The following GPC5 variants were observed in gnomAD, a reference collection of about 807,000 sequenced individuals.
GPC5 encodes the protein glypican 5, also known as glypican-5.
A neutral mutation model predicts 53.9 loss-of-function variants in GPC5; 47 were observed. That is an observed-to-expected ratio of 0.87 (90% CI 0.69 to 1.11). The LOEUF is 1.11. Among genes scored for constraint, GPC5 ranks in the 50% most tolerant of loss-of-function variants. The probability of loss-of-function intolerance (pLI) is 0.00; values close to 1 mark genes in which losing one functional copy is unlikely to be tolerated. For synonymous variants in GPC5, 286 were observed against 263.3 expected (o/e 1.09, Z -0.84); for missense variants, 748 against 713.1 (o/e 1.05, Z -0.56).
intron 2 of GPC5, among the ~76,000 whole-genome samples, chr13:91,602,161 A>G (rs1161323216): frequency 2.0e-5 from 3 of 152,232 alleles, no homozygotes; most frequent in Non-Finnish European, 4.4e-5. Flanking sequence ...CATTCTTGAA[A>G]TCTTTGTGTG....
intron 2 of GPC5, among the ~76,000 whole-genome samples, chr13:91,608,430 CGTGT>C (rs1566548942): frequency 6.6e-6 from 1 of 152,140 alleles, no homozygotes; most frequent in Non-Finnish European, 1.5e-5. Context: ...ATGCTTGTAC[CGTGT>C]CCCTATTTCA....
intron 6 of GPC5, among the ~76,000 whole-genome samples, chr13:92,043,854 T>C (rs1028224264): frequency 6.6e-6 from 1 of 152,222 alleles, no homozygotes; most frequent in Non-Finnish European, 1.5e-5. Context: ...TGAATGATCC[T>C]AGATGTGAGT....
chr13:92,015,639 AG>A (rs1228052013), intron 6 of GPC5, among the ~76,000 whole-genome samples: 1 of 152,132 alleles, frequency 6.6e-6, no homozygotes, highest in Non-Finnish European at 1.5e-5. Context: ...ATTCAAACTA[AG>A]AGCTTATATT....
chr13:91,760,583 G>C (rs1409615916), intron 5 of GPC5, among the ~76,000 whole-genome samples: 2 of 152,128 alleles, frequency 1.3e-5, no homozygotes, highest in African/African-American at 4.8e-5. Flanking sequence ...TGGTGGCCAA[G>C]ATTAAGTCTA....
chr13:92,620,924 C>T lies in GPC5; in HGVS notation c.1562-245358C>T, dbSNP rs189995696. Among the ~76,000 whole-genome samples, 473 of 152,286 alleles carry T rather than the reference C, an allele frequency of 3.1e-3. 2 individuals are homozygous for T. Among genetic ancestry groups the T allele is most frequent in the Non-Finnish European group, 4.4e-3 (296 of 68,022 alleles). On this transcript the variant is annotated intron_variant, in intron 7 of 7. Transcript: ENST00000377067. ...ATAGTATAGCTGTCTTTGTTGTGCT[C>T]AGGCATGAATTTATAGTGTTATTTT...
intron 7 of GPC5, among the ~76,000 whole-genome samples, chr13:92,164,876 A>G (rs530496723): frequency 1.3e-5 from 2 of 152,248 alleles, no homozygotes; most frequent in Admixed American, 6.5e-5. Context: ...CTTAATTTCT[A>G]TGCATCCACA....
intron 6 of GPC5, among the ~76,000 whole-genome samples, chr13:92,053,494 T>C (rs961631410): frequency 6.6e-6 from 1 of 152,234 alleles, no homozygotes; most frequent in African/African-American, 2.4e-5. Context: ...TATCTTTGTC[T>C]GCAAGATTTT....
chr13:91,710,556 A>G (rs1176338357), intron 3 of GPC5, among the ~76,000 whole-genome samples: 1 of 152,210 alleles, frequency 6.6e-6, no homozygotes, highest in East Asian at 1.9e-4. Flanking sequence ...AATCTATTCT[A>G]AATAGCTCTG....
intron 7 of GPC5, among the ~76,000 whole-genome samples, chr13:92,773,925 G>A (rs1194413254): frequency 6.6e-6 from 1 of 152,166 alleles, no homozygotes; most frequent in Non-Finnish European, 1.5e-5. Context: ...GGCAAAGGAG[G>A]AGCAAAATCA....
intron 3 of GPC5, among the ~76,000 whole-genome samples, chr13:91,721,137 C>CTTTCTTTG (rs1181362469): frequency 7.6e-4 from 70 of 92,132 alleles, no homozygotes; most frequent in African/African-American, 2.8e-3. Flanking sequence ...TTCTTTCTTT[C>CTTTCTTTG]TTTTTTTGGG....
chr13:92,155,294 T>G (rs1006132615), intron 7 of GPC5, among the ~76,000 whole-genome samples: 5 of 152,138 alleles, frequency 3.3e-5, no homozygotes, highest in Non-Finnish European at 7.4e-5. Context: ...TAGAATGCAT[T>G]AGTGGCAAAA....
In GPC5 at chr13:91,591,974, G is replaced by A. The variant is rs369197142; in HGVS notation, c.326-101213G>A. Among the ~76,000 whole-genome samples, 20 of 152,148 alleles carry A rather than the reference G, an allele frequency of 1.3e-4. No homozygotes were observed. In the East Asian group the frequency reaches 1.7e-3, roughly 13 times the overall value. On this transcript the variant is annotated intron_variant, in intron 2 of 7. Coordinates refer to ENST00000377067, the MANE Select transcript of GPC5 (RefSeq NM_004466.6). ...TCAGACTGGTTAAGAACCATTGCTGGAGAGCTAGTGGACTTCTTTGGAGGT... is the reference window on the plus strand; with the variant it reads ...TCAGACTGGTTAAGAACCATTGCTGAAGAGCTAGTGGACTTCTTTGGAGGT...
At chr13:92,256,541 A>G (rs537442520) in intron 7 of GPC5, among the ~76,000 whole-genome samples, 57 of 151,958 alleles carry the variant, frequency 3.8e-4, no homozygotes, top group African/African-American at 1.3e-3. Context: ...GCATTTTTGT[A>G]CTCTTTTCTT....
Position 92,851,414 on chromosome 13 carries a change from G to C in GPC5, c.1562-14868G>C, listed in dbSNP as rs570779891. ...AAGACGCTGGAAGAGTCTTCTCTCA[G>C]TATCTGCCTAGTTTAAGAGGAAACA... On this transcript the variant is annotated intron_variant, in intron 7 of 7. Coordinates refer to ENST00000377067, the MANE Select transcript of GPC5 (RefSeq NM_004466.6). 5.9e-5 allele frequency among the ~76,000 whole-genome samples: 9 copies of C among 152,288 alleles called. No homozygotes were observed. In the South Asian group the frequency reaches 1.4e-3, roughly 25 times the overall value.
At chr13:92,477,231 G>A (rs1879184685) in intron 7 of GPC5, among the ~76,000 whole-genome samples, 1 of 152,082 alleles carries the variant, frequency 6.6e-6, no homozygotes, top group Non-Finnish European at 1.5e-5. Flanking sequence ...TGGAGGGAAA[G>A]GGTTTGGCAG....
At chr13:92,225,426 A>C (rs2042478105) in intron 7 of GPC5, among the ~76,000 whole-genome samples, 1 of 152,214 alleles carries the variant, frequency 6.6e-6, no homozygotes, top group Non-Finnish European at 1.5e-5. Flanking sequence ...TAAGAATGCC[A>C]TTAAAATAGA....
chr13:92,721,989 C>G (rs982168724), intron 7 of GPC5, among the ~76,000 whole-genome samples: 1 of 151,978 alleles, frequency 6.6e-6, no homozygotes, highest in Admixed American at 6.6e-5. Context: ...AACCCTTAAA[C>G]AAACTGGCAC....
At chr13:92,196,536 G>C (rs968432029) in intron 7 of GPC5, among the ~76,000 whole-genome samples, 28 of 152,106 alleles carry the variant, frequency 1.8e-4, no homozygotes, top group African/African-American at 6.8e-4. Flanking sequence ...TCAAATGAAA[G>C]CTTTATTATA....
At chr13:92,814,084 C>A (rs1877383508) in intron 7 of GPC5, among the ~76,000 whole-genome samples, 1 of 151,754 alleles carries the variant, frequency 6.6e-6, no homozygotes, top group African/African-American at 2.4e-5. Flanking sequence ...TTTATATGGT[C>A]AATTGATTTG....
Sources: gnomAD v4.1 joint callset for allele counts (sites outside exome capture counted in the v4.1 genomes callset) on GRCh38, gnomAD v4.1.1 for gene constraint, MANE v1.5 for transcripts, NCBI Gene and HGNC (gene_info 2026-07-23, HGNC 2026-07-21) for gene names.